Variants in FER observed in about 807,000 individuals in gnomAD.
FER encodes tyrosine-protein kinase Fer.
In FER, 63 loss-of-function variants were observed where a neutral mutation model predicts 111.0. That is an observed-to-expected ratio of 0.57 (90% CI 0.46 to 0.70). FER has a LOEUF of 0.70. FER is among the 30% of genes least tolerant of loss of function. The pLI, the probability that FER is intolerant of heterozygous loss-of-function variation, is 0.00. For missense variants in FER, 914 were observed against 954.0 expected (o/e 0.96, Z 0.55); for synonymous variants, 327 against 313.9 (o/e 1.04, Z -0.44).
chr5:109,125,893 G>A (rs1179574547), intron 17 of FER, among the ~76,000 whole-genome samples: 1 of 152,060 alleles, frequency 6.6e-6, no homozygotes, highest in East Asian at 1.9e-4. Context: ...TGACTGTTTC[G>A]GGACTCTTTG....
At chr5:108,966,916 A>C (rs922159978) in intron 13 of FER, among the ~76,000 whole-genome samples, 5 of 152,176 alleles carry the variant, frequency 3.3e-5, no homozygotes, top group African/African-American at 4.8e-5. Flanking sequence ...GAACAAAAAC[A>C]ACAAAAATTG....
rs765769536 is a variant in FER at position 108,951,875 on chromosome 5, A to G, written c.1330-2854A>G. Among the ~76,000 whole-genome samples the G allele has an allele frequency of 1.2e-4, 18 of 152,270 alleles. No homozygotes were observed. The South Asian group carries it at 1.2e-3, about 11-fold the overall frequency. On this transcript the variant is annotated intron_variant, in intron 11 of 19. Transcript: ENST00000281092. Reference sequence around the variant, plus strand: ...AAAGGTATACAAATCTTCATTACATACTTGAGAATTAGCCTGGACCAGGGT... The same window carrying G: ...AAAGGTATACAAATCTTCATTACATGCTTGAGAATTAGCCTGGACCAGGGT...
intron 3 of FER, among the ~76,000 whole-genome samples, chr5:108,806,019 T>C (rs1324415909): frequency 6.6e-6 from 1 of 152,172 alleles, no homozygotes; most frequent in Non-Finnish European, 1.5e-5. Flanking sequence ...CCCTCCATCA[T>C]AGGCCTGGAG....
intron 13 of FER, among the ~76,000 whole-genome samples, chr5:109,002,915 A>G (rs1158903633): frequency 6.6e-6 from 1 of 152,242 alleles, no homozygotes; most frequent in African/African-American, 2.4e-5. Flanking sequence ...CCACAATGAG[A>G]TACCATCTCA....
At chr5:108,982,256 A>G (rs1017500146) in intron 13 of FER, among the ~76,000 whole-genome samples, 1 of 151,826 alleles carries the variant, frequency 6.6e-6, no homozygotes, top group Non-Finnish European at 1.5e-5. Flanking sequence ...GGAAAGAAAA[A>G]AAGGGTATCT....
At chr5:108,996,374 C>A (rs544180478) in intron 13 of FER, among the ~76,000 whole-genome samples, 33 of 152,246 alleles carry the variant, frequency 2.2e-4, no homozygotes, top group African/African-American at 7.9e-4. Context: ...AGGTTTTCTT[C>A]TAGGGTTTTT....
intron 1 of FER, among the ~76,000 whole-genome samples, chr5:108,750,113 C>T (rs1351391524): frequency 6.6e-6 from 1 of 152,154 alleles, no homozygotes; most frequent in East Asian, 1.9e-4. Flanking sequence ...ACTCCATTTT[C>T]CTTTTCTCCA....
chr5:108,948,132 A>G (rs1475993366), intron 11 of FER, among the ~76,000 whole-genome samples: 2 of 152,146 alleles, frequency 1.3e-5, no homozygotes, highest in Non-Finnish European at 2.9e-5. Flanking sequence ...CAAATGCATT[A>G]TATATAGGAA....
intron 17 of FER, among the ~76,000 whole-genome samples, chr5:109,109,519 C>T (rs1271505988): frequency 2.0e-5 from 3 of 152,034 alleles, no homozygotes; most frequent in Non-Finnish European, 4.4e-5. Flanking sequence ...ACTTACTATG[C>T]TTCATTTCTT....
chr5:109,031,094 A>G (rs1335936684), intron 13 of FER, among the ~76,000 whole-genome samples: 1 of 152,006 alleles, frequency 6.6e-6, no homozygotes, highest in Non-Finnish European at 1.5e-5. Context: ...TCTCCAGTCA[A>G]TCCCCTTGAA....
At chr5:108,910,278 CT>C (rs1751358069) in intron 10 of FER, among the ~76,000 whole-genome samples, 1 of 152,092 alleles carries the variant, frequency 6.6e-6, no homozygotes, top group Non-Finnish European at 1.5e-5. Context: ...TCTACAGTGG[CT>C]TCCTTCGAAC....
At position 109,029,245 on chromosome 5, in the gene FER, C is replaced by CTT. The variant is rs367692424; in HGVS notation, c.1657-8167_1657-8166dup. On this transcript the variant is annotated intron_variant, in intron 13 of 19. Transcript: ENST00000281092. The stretch of plus-strand genomic sequence containing the variant: ...CTTTTTTTTTTTTTTTTCTTCTTAC[C>CTT]TTTTTTTTTTTATTATTATACTTTA... 5.4e-3 allele frequency among the ~76,000 whole-genome samples: 680 copies of CTT among 125,934 alleles called. 5 individuals are homozygous for CTT. Among genetic ancestry groups the CTT allele is most frequent in the African/African-American group, 0.019 (636 of 33,628 alleles). The allele number at this position is 125,934 out of a possible 152,430, so 82.6% of individuals were successfully genotyped here.
chr5:108,904,390 G>C (rs546506014), intron 10 of FER, among the ~76,000 whole-genome samples: 6 of 152,300 alleles, frequency 3.9e-5, no homozygotes, highest in African/African-American at 1.4e-4. Context: ...GAAGAACTGA[G>C]AGAGCAAATG....
intron 9 of FER, 137 bp downstream of exon 9, chr5:108,883,655 A>C (rs765332435): frequency 5.0e-4 from 337 of 672,992 alleles, no homozygotes; most frequent in Non-Finnish European, 6.6e-4. Flanking sequence ...TTGTATAGTT[A>C]ATTTCTAGGA....
intron 17 of FER, among the ~76,000 whole-genome samples, chr5:109,102,422 C>G (rs1356488272): frequency 6.6e-6 from 1 of 152,006 alleles, no homozygotes; most frequent in Admixed American, 6.6e-5. Flanking sequence ...TAGTGGCTCT[C>G]CCTGTATATG....
intron 5 of FER, among the ~76,000 whole-genome samples, chr5:108,867,028 C>T (rs1764137332): frequency 6.6e-6 from 1 of 152,088 alleles, no homozygotes; most frequent in South Asian, 2.1e-4. Flanking sequence ...AACTGCACTA[C>T]CTAAGGAGAC....
intron 12 of FER, among the ~76,000 whole-genome samples, chr5:108,957,916 A>G (rs933673393): frequency 6.6e-6 from 1 of 151,624 alleles, no homozygotes; most frequent in Non-Finnish European, 1.5e-5. Context: ...AACATATATT[A>G]TTAGAAATAG....
chr5:108,801,457 A>G (rs1258772372), intron 3 of FER, among the ~76,000 whole-genome samples: 1 of 152,234 alleles, frequency 6.6e-6, no homozygotes, highest in Non-Finnish European at 1.5e-5. Context: ...CATGGGAGAT[A>G]TGTTCTAATA....
rs1346068480 is a variant in FER, at chr5:108,844,107, CATGTGTGTGAACACATAT to C, written c.481+8314_481+8331del. 3.8e-4 allele frequency among the ~76,000 whole-genome samples: 36 copies of C among 95,188 alleles called. 1 individual carries two copies. The South Asian group carries it at 8.3e-3, about 22-fold the overall frequency. The allele number at this position is 95,188 out of a possible 152,430, so 62.4% of individuals were successfully genotyped here. A position where few individuals can be genotyped will look rare whatever the true frequency, so the allele number is the denominator to read the frequency against. On this transcript the variant is annotated intron_variant, in intron 5 of 19. Transcript: ENST00000281092. ...ATGCGTGTGAACATATGTGTGTGAA[CATGTGTGTGAACACATAT>C]ATGTGTGTGAACATATATGTGTGTG...
Sources: allele counts gnomAD v4.1 joint callset (sites outside exome capture counted in the v4.1 genomes callset), GRCh38; gene constraint gnomAD v4.1.1; transcripts MANE v1.5; gene names NCBI Gene and HGNC (gene_info 2026-07-23, HGNC 2026-07-21).